Variants in PHLDB1 observed in about 807,000 individuals in gnomAD.
The protein encoded by PHLDB1 is pleckstrin homology like domain family B member 1.
Under a neutral mutation model 139.3 loss-of-function variants are expected in PHLDB1, and 65 were observed. That is an observed-to-expected ratio of 0.47 (90% confidence interval 0.38 to 0.57). The LOEUF is 0.57. Ranked by LOEUF, PHLDB1 falls within the 20% of genes least tolerant of loss-of-function variation. The pLI, the probability that PHLDB1 is intolerant of heterozygous loss-of-function variation, is 0.00. For synonymous variants in PHLDB1, 679 were observed against 734.5 expected (o/e 0.92, Z 1.22); for missense variants, 1,624 against 1,839.7 (o/e 0.88, Z 2.14).
chr11:118,627,727 C>A lies in PHLDB1; in HGVS notation c.904C>A (p.Arg302Ser), dbSNP rs782741815. The A allele has an allele frequency of 1.9e-6, 3 of 1,609,734 alleles. No individual in the cohort carries two copies. The Admixed American group carries it at 5.0e-5, about 27-fold the overall frequency. Residue 302 changes from arginine (R) to serine (S), a missense_variant, in exon 6 of 23, where the codon CGC becomes AGC. Arg to Ser is a moderately radical substitution (Grantham distance 110, BLOSUM62 -1). Coordinates refer to ENST00000600882, the MANE Select transcript of PHLDB1 (RefSeq NM_001144758.3). Reference sequence around the variant, plus strand: ...TCTGGCCCTACAGCCCCCACAGTCCCGCCCAAGTGGTGCTCGCTCCGAGAG... The same window carrying A: ...TCTGGCCCTACAGCCCCCACAGTCCAGCCCAAGTGGTGCTCGCTCCGAGAG... ...YHLALQPPQS[R>S]PSGARSESPR...
rs1555121906 is a variant in PHLDB1 at position 118,642,315 on chromosome 11, G to A, written c.2798G>A (p.Gly933Glu). ...LEQWYQELMA[G>E]LGTGPAAASP... ...CAGTGGTACCAGGAGCTGATGGCCGGGCTGGGGACTGGCCCCGCTGCAGCC... is the reference window on the plus strand; with the variant it reads ...CAGTGGTACCAGGAGCTGATGGCCGAGCTGGGGACTGGCCCCGCTGCAGCC... The change falls in exon 13 of 23, where the codon GGG becomes GAG. Residue 933 changes from glycine to glutamate, a missense_variant. Transcript: ENST00000600882. The A allele has an allele frequency of 6.2e-7, 1 of 1,612,882 alleles. No homozygotes were observed.
chr11:118,611,225 G>T lies in PHLDB1; in HGVS notation c.-21-2591G>T, dbSNP rs1168078175. On this transcript the variant is annotated intron_variant, in intron 1 of 22. Transcript: ENST00000600882. This position sits in a 1 kb window ranked among gnomAD's most constrained non-coding sequence, Gnocchi z 4.7. Reference sequence around the variant, plus strand: ...CCTGAGTGCAGGGCAGGTTGGCCTGGTGTCTCTTTCCACTTCTCTTGGATC... The same window carrying T: ...CCTGAGTGCAGGGCAGGTTGGCCTGTTGTCTCTTTCCACTTCTCTTGGATC... Among the ~76,000 whole-genome samples the T allele has an allele frequency of 3.3e-5, 5 of 152,336 alleles. No individual in the cohort carries two copies. Among genetic ancestry groups the T allele is most frequent in the Non-Finnish European group, 7.3e-5 (5 of 68,028 alleles).
intron 12 of PHLDB1, chr11:118,641,496 G>T: frequency 2.0e-6 from 1 of 491,328 alleles, no homozygotes; most frequent in Non-Finnish European, 3.1e-6. Flanking sequence ...GGCTTTCCTA[G>T]GCTGCAGGCT....
Position 118,628,617 on chromosome 11 carries a change from A to G in PHLDB1, c.1794A>G (p.Gln598=). ...TGGAGTACCACCGGCGACAGCGCCA[A>G]GAGCGGCTCCGGGAGCAGGAGATGG... The part of the protein sequence containing the change: ...DLLEYHRRQR[Q]ERLREQEMER... The change falls in exon 6 of 23, where the codon CAA becomes CAG. Residue 598 remains glutamine (Q), a synonymous_variant. Coordinates refer to ENST00000600882, the MANE Select transcript of PHLDB1 (RefSeq NM_001144758.3). 2 of 1,611,650 alleles carry G rather than the reference A, an allele frequency of 1.2e-6. No individual in the cohort carries two copies. Among genetic ancestry groups the G allele is most frequent in the Non-Finnish European group, 1.7e-6 (2 of 1,179,560 alleles).
chr11:118,629,957 C>A, intron 6 of PHLDB1: 3 of 1,256,548 alleles, frequency 2.4e-6, no homozygotes, highest in Non-Finnish European at 3.1e-6. Flanking sequence ...CTCAACCAGG[C>A]TGCTTATCTG....
At position 118,632,149 on chromosome 11, in the gene PHLDB1, C is replaced by T. The variant is rs1555111678; in HGVS notation, c.2242-10C>T. 6.2e-7 allele frequency: 1 copy of T among 1,614,028 alleles called. No homozygotes were observed. The highest frequency in any genetic ancestry group is 1.7e-5 in the Admixed American group (1 of 60,032). ...GCTGCTTTGATGGGGACCCTGGTGT[C>T]TGCCCCCAGGCCGAAATGGAGCGGG... On this transcript the variant is annotated splice_polypyrimidine_tract_variant and intron_variant, in intron 8 of 22. Transcript: ENST00000600882. This position sits in a 1 kb window ranked among gnomAD's most constrained non-coding sequence, Gnocchi z 5.9.
rs1555083777 is a variant in PHLDB1 at position 118,611,365 on chromosome 11, C to G, written c.-21-2451C>G. Among the ~76,000 whole-genome samples, 1 of 152,214 alleles carries G rather than the reference C, an allele frequency of 6.6e-6. No homozygotes were observed. Among genetic ancestry groups the G allele is most frequent in the Non-Finnish European group, 1.5e-5 (1 of 68,034 alleles). ...TTTACTTTCGCCTCCTTATTCTCTT[C>G]TCTCCTCTAATCACTCTTGTTCTCC... On this transcript the variant is annotated intron_variant, in intron 1 of 22. Transcript: ENST00000600882. The surrounding 1 kb of genome is among the most constrained non-coding windows in gnomAD (Gnocchi z 4.7).
rs782726621 is a variant in PHLDB1 at position 118,645,743 on chromosome 11, G to T, written c.3425G>T (p.Gly1142Val). The change falls in exon 17 of 23, where the codon GGT becomes GTT. Residue 1142 changes from glycine to valine, a missense_variant. By Grantham distance (109) the Gly-to-Val change is moderately radical (BLOSUM62 -3). Coordinates refer to ENST00000600882, the MANE Select transcript of PHLDB1 (RefSeq NM_001144758.3). This position sits in a 1 kb window ranked among gnomAD's most constrained non-coding sequence, Gnocchi z 5.1. ...CSPDNMSSAS[G>V]LDMGKIEEME... ...TCCCCTTCTCTCCCCAGCGCGAGTGGTCTGGACATGGGGAAGATCGAGGAG... is the reference window on the plus strand; with the variant it reads ...TCCCCTTCTCTCCCCAGCGCGAGTGTTCTGGACATGGGGAAGATCGAGGAG... 1.2e-6 allele frequency: 2 copies of T among 1,613,542 alleles called. No homozygotes were observed. Among genetic ancestry groups the T allele is most frequent in the Non-Finnish European group, 1.7e-6 (2 of 1,179,490 alleles).
chr11:118,623,082 G>A (rs1197509290), intron 4 of PHLDB1, among the ~76,000 whole-genome samples: 1 of 152,210 alleles, frequency 6.6e-6, no homozygotes, highest in Non-Finnish European at 1.5e-5. Context: ...ACCTGCCAAG[G>A]TACTCACGTG....
At chr11:118,638,679 C>T (rs1946032718) in intron 10 of PHLDB1, among the ~76,000 whole-genome samples, 1 of 152,076 alleles carries the variant, frequency 6.6e-6, no homozygotes, top group South Asian at 2.1e-4. Flanking sequence ...TGCCTAATGG[C>T]ACAGGGGTCA....
rs1233707732 is a variant in PHLDB1, at chr11:118,647,806, A to G, written c.3508-124A>G. The G allele has an allele frequency of 6.0e-6, 6 of 1,006,508 alleles. No individual in the cohort carries two copies. The South Asian group carries it at 6.7e-5, about 11-fold the overall frequency. 62.3% of individuals were successfully genotyped at this position (1,006,508 alleles called of 1,614,324 possible). A position where few individuals can be genotyped will look rare whatever the true frequency, so the allele number is the denominator to read the frequency against. On this transcript the variant is annotated intron_variant, in intron 17 of 22. Coordinates refer to ENST00000600882, the MANE Select transcript of PHLDB1 (RefSeq NM_001144758.3). Reference sequence around the variant, plus strand: ...CTCTTGGAGAGGGTGGGCTTTGAAGATGATGCCTCCTCATGCCAGACTACC... The same window carrying G: ...CTCTTGGAGAGGGTGGGCTTTGAAGGTGATGCCTCCTCATGCCAGACTACC...
intron 9 of PHLDB1, chr11:118,634,824 C>G (rs1358524968): frequency 3.4e-6 from 1 of 290,334 alleles, no homozygotes. Flanking sequence ...TGGCCGCCCT[C>G]CCGCGCTCCC....
chr11:118,632,334 G>A lies in PHLDB1; in HGVS notation c.2379+38G>A, dbSNP rs782544956. 6.2e-7 allele frequency: 1 copy of A among 1,607,604 alleles called. No homozygotes were observed. The highest frequency in any genetic ancestry group is 1.1e-5 in the South Asian group (1 of 90,906). The stretch of plus-strand genomic sequence containing the variant: ...TGGCCCAGCTTAGTGCTGGGTACCA[G>A]TGGCCTGGGAGAGAAGGAGAAATGT... On this transcript the variant is annotated intron_variant, in intron 9 of 22. Coordinates refer to ENST00000600882, the MANE Select transcript of PHLDB1 (RefSeq NM_001144758.3). This position sits in a 1 kb window ranked among gnomAD's most constrained non-coding sequence, Gnocchi z 5.9.
intron 6 of PHLDB1, chr11:118,629,853 C>T: frequency 2.6e-6 from 1 of 391,468 alleles, no homozygotes; most frequent in Non-Finnish European, 4.7e-6. Context: ...TTCCCACCCC[C>T]ATTCCCACAC....
intron 1 of PHLDB1, among the ~76,000 whole-genome samples, chr11:118,612,967 A>G (rs1940788795): frequency 6.6e-6 from 1 of 152,010 alleles, no homozygotes; most frequent in African/African-American, 2.4e-5. Flanking sequence ...GATACCAAAA[A>G]CATGAGCCAG....
In PHLDB1 at chr11:118,610,506, G is replaced by A. The variant is rs570859262; in HGVS notation, c.-22+2807G>A. 4.4e-5 allele frequency: 20 copies of A among 450,368 alleles called. No individual in the cohort carries two copies. In the South Asian group the frequency reaches 1.6e-3, roughly 36 times the overall value. 27.9% of individuals were successfully genotyped at this position (450,368 alleles called of 1,614,324 possible). ...CATGCACCGCTTGGGCCGAGGCCGA[G>A]GCCGACCCCCAGGGACACAGGTGAG... On this transcript the variant is annotated intron_variant, in intron 1 of 22. Transcript: ENST00000600882. The surrounding 1 kb of genome is among the most constrained non-coding windows in gnomAD (Gnocchi z 8.7).
In PHLDB1 at chr11:118,638,921, G is replaced by A; in HGVS notation, c.2566G>A (p.Gly856Arg). Residue 856 changes from glycine to arginine, a missense_variant, in exon 11 of 23, where the codon GGG becomes AGG. Gly to Arg is a moderately radical substitution (Grantham distance 125). Transcript: ENST00000600882. ...ERLAILDSQA[G>R]QIRAQAVQES... ...CCTGGCCATCCTGGACAGTCAGGCT[G>A]GGCAGATCCGGGCTCAGGCCGTGCA... The A allele has an allele frequency of 6.2e-7, 1 of 1,613,292 alleles. No homozygotes were observed. The highest frequency in any genetic ancestry group is 8.5e-7 in the Non-Finnish European group (1 of 1,179,600).
chr11:118,656,080 C>T (rs1949021828), intron 22 of PHLDB1, among the ~76,000 whole-genome samples, 188 bp downstream of exon 22: 1 of 151,768 alleles, frequency 6.6e-6, no homozygotes, highest in South Asian at 2.1e-4. Flanking sequence ...CCTCCCTCTC[C>T]TGGAAATGAC....
At chr11:118,616,307 C>T (rs782331402) in intron 4 of PHLDB1, 96 bp downstream of exon 4, 16 of 1,104,056 alleles carry the variant, frequency 1.4e-5, no homozygotes, top group Middle Eastern at 5.6e-4. Context: ...GCCATGGTAA[C>T]TGCCTGAGTG....
Sources: gnomAD v4.1 joint callset for allele counts (sites outside exome capture counted in the v4.1 genomes callset) on GRCh38, gnomAD v4.1.1 for gene constraint, Gnocchi (gnomAD v3.1) non-coding constraint, MANE v1.5 for transcripts, NCBI Gene and HGNC (gene_info 2026-07-23, HGNC 2026-07-21) for gene names.